Variants in ADAM8 observed in about 807,000 individuals in gnomAD.
ADAM8 encodes the protein disintegrin and metalloproteinase domain-containing protein 8.
In ADAM8, 104 loss-of-function variants were observed where a neutral mutation model predicts 102.4. The ratio of observed to expected loss-of-function variants is 1.02; its 90% CI spans 0.87 to 1.20. The LOEUF (loss-of-function observed/expected upper bound fraction) is 1.20. Ranked by LOEUF, ADAM8 falls within the 50% of genes most tolerant of loss-of-function variation. The pLI is 0.00. For missense variants in ADAM8, 1,132 were observed against 1,159.0 expected, an observed-to-expected ratio of 0.98 and a Z score of 0.34; for synonymous variants, 517 against 485.2, an observed-to-expected ratio of 1.07 and a Z score of -0.86.
chr10:133,274,065 C>G (rs761364786), intron 3 of ADAM8, 36 bp from the exon 4 acceptor site: 1 of 1,594,440 alleles, frequency 6.3e-7, no homozygotes, highest in Admixed American at 1.8e-5. Flanking sequence ...TCGGCCCCCT[C>G]GGTGCAGAGA....
chr10:133,264,933 T>C (rs1417998191), intron 21 of ADAM8, among the ~76,000 whole-genome samples: 1 of 121,276 alleles, frequency 8.2e-6, no homozygotes, highest in Non-Finnish European at 1.7e-5. Context: ...CTCTGCCCCA[T>C]CTACCTCCAC....
At chr10:133,272,056 A>G (rs1846548505) in intron 10 of ADAM8, 102 bp from the exon 11 acceptor site, 2 of 1,545,662 alleles carry the variant, frequency 1.3e-6, no homozygotes, top group Non-Finnish European at 1.8e-6. Flanking sequence ...TCCCGCCAAC[A>G]CCACCTTAAA....
At chr10:133,269,725 G>A (rs1846455828) in intron 17 of ADAM8, among the ~76,000 whole-genome samples, 172 bp downstream of exon 17, 1 of 152,208 alleles carries the variant, frequency 6.6e-6, no homozygotes, top group Non-Finnish European at 1.5e-5. Flanking sequence ...TCCATCCACG[G>A]AGGCCACCCA....
At chr10:133,268,917 C>T in intron 18 of ADAM8, 55 bp from the exon 19 acceptor site, 1 of 1,573,616 alleles carries the variant, frequency 6.4e-7, no homozygotes, top group Admixed American at 1.8e-5. Flanking sequence ...CAGGCAGGAG[C>T]CAGGGAGGTT....
chr10:133,269,353 C>A, intron 18 of ADAM8, 92 bp downstream of exon 18: 1 of 1,349,862 alleles, frequency 7.4e-7, no homozygotes, highest in Non-Finnish European at 9.8e-7. Context: ...TGAACACCAC[C>A]AGCTTCCCGG....
rs1846502558 is a variant in ADAM8, at chr10:133,270,973, A to G, written c.1472T>C (p.Phe491Ser). 3.1e-6 allele frequency: 5 copies of G among 1,612,736 alleles called. No individual in the cohort carries two copies. Among genetic ancestry groups the G allele is most frequent in the Non-Finnish European group, 3.4e-6 (4 of 1,179,978 alleles). ...GGAGCAGGGCGTGCCGTTCTCCTGG[A>G]AGGCGTCTTCCGGGCACTCAGGGTG... ...GRHPECPEDA[F>S]QENGTPCSGG... Residue 491 changes from phenylalanine to serine, a missense_variant, in exon 14 of 23, where the codon TTC (phenylalanine) becomes TCC (serine). Phe to Ser is a radical substitution (Grantham distance 155). Coordinates refer to ENST00000445355, the MANE Select transcript of ADAM8 (RefSeq NM_001109.5).
rs746471044 is a variant in ADAM8 at position 133,270,491 on chromosome 10, G to T, written c.1654C>A (p.Leu552Met). 12 of 1,599,014 alleles carry T rather than the reference G, an allele frequency of 7.5e-6. No homozygotes were observed. The highest frequency in any genetic ancestry group is 1.7e-4 in the Middle Eastern group (1 of 5,816). The change falls in exon 16 of 23, where the codon CTG (leucine) becomes ATG (methionine). Residue 552 changes from leucine (L) to methionine (M), a missense_variant. By Grantham distance (15) the Leu-to-Met change is conservative. Coordinates refer to ENST00000445355, the MANE Select transcript of ADAM8 (RefSeq NM_001109.5). ...GGCTGCTGCCCACCCTTGCACTGCAGAACGCCACACATGTCAGCCCTGTGG... is the reference window on the plus strand; with the variant it reads ...GGCTGCTGCCCACCCTTGCACTGCATAACGCCACACATGTCAGCCCTGTGG... ...SRYRADMCGV[L>M]QCKGGQQPLG...
intron 20 of ADAM8, 124 bp from the exon 21 acceptor site, chr10:133,267,541 A>AGGGCCCCACCCCAGATGAG: frequency 1.0e-6 from 1 of 972,692 alleles, no homozygotes; most frequent in Non-Finnish European, 1.5e-6. Context: ...CGCGGCCCAC[A>AGGGCCCCACCCCAGATGAG]GGGCCCCACC....
At chr10:133,276,701 C>T in intron 1 of ADAM8, 71 bp downstream of exon 1, 1 of 1,508,312 alleles carries the variant, frequency 6.6e-7, no homozygotes, top group Admixed American at 2.1e-5. Flanking sequence ...GCTCGGGGTC[C>T]GCGTCGCGTC....
At chr10:133,276,578 C>T (rs1397932849) in intron 1 of ADAM8, among the ~76,000 whole-genome samples, 194 bp downstream of exon 1, 1 of 152,216 alleles carries the variant, frequency 6.6e-6, no homozygotes, top group Non-Finnish European at 1.5e-5. Context: ...CTCCGACCTC[C>T]CCGGCCTCCC....
chr10:133,262,879 A>C lies in ADAM8; in HGVS notation c.*277T>G, dbSNP rs1203838838. 1.8e-6 allele frequency: 1 copy of C among 547,596 alleles called. No individual in the cohort carries two copies. Among genetic ancestry groups the C allele is most frequent in the East Asian group, 3.2e-5 (1 of 31,084 alleles). 33.9% of individuals were successfully genotyped at this position (547,596 alleles called of 1,614,324 possible). A position where few individuals can be genotyped will look rare whatever the true frequency, so the allele number is the denominator to read the frequency against. ...GGGAGACCAGCGGCCACCTGGAGAC[A>C]CGTACACACACACGCACCCGCAAGC... is the stretch of plus-strand genomic sequence containing the variant. On this transcript the variant is annotated 3_prime_UTR_variant, in exon 23 of 23. Coordinates refer to ENST00000445355, the MANE Select transcript of ADAM8 (RefSeq NM_001109.5).
At chr10:133,273,696 C>A (rs932410159) in intron 5 of ADAM8, 66 bp downstream of exon 5, 15 of 1,503,076 alleles carry the variant, frequency 1.0e-5, no homozygotes, top group Admixed American at 2.0e-5. Flanking sequence ...CCTTCCCCAC[C>A]CCCACCACAG....
At position 133,268,821 on chromosome 10, in the gene ADAM8, G is replaced by A; in HGVS notation, c.1990C>T (p.Leu664Phe). ...LPVFVVVVLV[L>F]LAVVLVTLAG... is the part of the protein sequence containing the mutation. ...AGGGTGACCAGCACAACTGCCAGGA[G>A]CACCAGAACCACCACCACGAAGACG... is the stretch of plus-strand genomic sequence containing the variant. Residue 664 changes from leucine (L) to phenylalanine (F), a missense_variant, in exon 19 of 23, where the codon CTC becomes TTC. Transcript: ENST00000445355. 1 of 1,610,358 alleles carries A rather than the reference G, an allele frequency of 6.2e-7. No individual in the cohort carries two copies.
chr10:133,267,923 G>A lies in ADAM8; in HGVS notation c.2253+6C>T. 7.9e-7 allele frequency: 1 copy of A among 1,259,150 alleles called. No homozygotes were observed. Among genetic ancestry groups the A allele is most frequent in the East Asian group, 3.1e-5 (1 of 32,248 alleles). The allele number at this position is 1,259,150 out of a possible 1,614,324, so 78.0% of individuals were successfully genotyped here. A position where few individuals can be genotyped will look rare whatever the true frequency, so the allele number is the denominator to read the frequency against. On this transcript the variant is annotated splice_donor_region_variant and intron_variant, in intron 20 of 22. Transcript: ENST00000445355. ...GCCTCATGAACCCGCCAGGGGTGGT[G>A]CTTACAGCAGGGGGCGGCCTCTTCA...
intron 21 of ADAM8, among the ~76,000 whole-genome samples, chr10:133,266,721 G>A (rs746462283): frequency 7.2e-5 from 11 of 152,180 alleles, no homozygotes; most frequent in Non-Finnish European, 1.6e-4. Context: ...CTGAGTCAGT[G>A]GCCCCAGGAA....
Position 133,262,619 on chromosome 10 carries a change from G to A in ADAM8, c.*537C>T, listed in dbSNP as rs1333604205. 6.5e-6 allele frequency: 1 copy of A among 154,392 alleles called. No individual in the cohort carries two copies. The highest frequency in any genetic ancestry group is 1.9e-4 in the East Asian group (1 of 5,204). 9.6% of individuals were successfully genotyped at this position (154,392 alleles called of 1,614,324 possible). A position where few individuals can be genotyped will look rare whatever the true frequency, so the allele number is the denominator to read the frequency against. Reference sequence around the variant, plus strand: ...GGGGCTGTCCCTCTTGAATCCCATGGGAAACAGGCCCCAAGATCAGGGGAC... The same window carrying A: ...GGGGCTGTCCCTCTTGAATCCCATGAGAAACAGGCCCCAAGATCAGGGGAC... On this transcript the variant is annotated 3_prime_UTR_variant, in exon 23 of 23. Transcript: ENST00000445355.
At position 133,270,792 on chromosome 10, in the gene ADAM8, G is replaced by A. The variant is rs779541040; in HGVS notation, c.1578C>T (p.Ala526=). ...TGTCATAGGAGAAGCAGGACTCCTCGGCAGCCTGCCCACCTGTGGGACCAG... is the reference window on the plus strand; with the variant it reads ...TGTCATAGGAGAAGCAGGACTCCTCAGCAGCCTGCCCACCTGTGGGACCAG... ...QAFWGPGGQA[A]EESCFSYDIL... is the part of the protein sequence containing the mutation. Residue 526 remains alanine (A), a synonymous_variant, in exon 15 of 23, where the codon GCC becomes GCT. Coordinates refer to ENST00000445355, the MANE Select transcript of ADAM8 (RefSeq NM_001109.5). The A allele has an allele frequency of 1.6e-5, 25 of 1,606,458 alleles. No individual in the cohort carries two copies. Among genetic ancestry groups the A allele is most frequent in the African/African-American group, 1.1e-4 (8 of 74,768 alleles).
chr10:133,268,230 G>A (rs1315485088), intron 19 of ADAM8, 112 bp from the exon 20 acceptor site: 4 of 1,014,048 alleles, frequency 3.9e-6, no homozygotes, highest in Non-Finnish European at 5.2e-6. Context: ...CAGGGCGAGA[G>A]GTTGTGGCCA....
chr10:133,264,746 C>G (rs1455894055), intron 21 of ADAM8, among the ~76,000 whole-genome samples: 1 of 150,668 alleles, frequency 6.6e-6, no homozygotes, highest in Non-Finnish European at 1.5e-5. Flanking sequence ...TACCTCCACG[C>G]CCGGCTCTTG....
Sources: gnomAD v4.1 joint callset for allele counts (sites outside exome capture counted in the v4.1 genomes callset) on GRCh38, gnomAD v4.1.1 for gene constraint, MANE v1.5 for transcripts, NCBI Gene and HGNC (gene_info 2026-07-23, HGNC 2026-07-21) for gene names.